Variants in CSMD1 observed in about 807,000 individuals in gnomAD.
CSMD1 encodes CUB and sushi domain-containing protein 1.
In CSMD1, 213 loss-of-function variants were observed where a neutral mutation model predicts 417.5. The observed-to-expected ratio is 0.51, with a 90% CI of 0.46 to 0.57. The LOEUF is 0.57. CSMD1 is among the 20% of genes least tolerant of loss of function. The pLI is 0.00. For synonymous variants in CSMD1, 2,862 were observed against 1,736.8 expected (o/e 1.65, Z -16.11); for missense variants, 6,923 against 4,529.7 (o/e 1.53, Z -15.17).
chr8:3,797,388 T>C (rs1204531628), intron 5 of CSMD1, among the ~76,000 whole-genome samples: 2 of 151,966 alleles, frequency 1.3e-5, no homozygotes, highest in Non-Finnish European at 1.5e-5. Flanking sequence ...GCATAAAACA[T>C]TTTCATCAAT....
intron 3 of CSMD1, among the ~76,000 whole-genome samples, chr8:4,353,869 C>T (rs1801242426): frequency 6.6e-6 from 1 of 152,126 alleles, no homozygotes; most frequent in African/African-American, 2.4e-5. Flanking sequence ...ATCTGGTTTA[C>T]AGCAATAGTG....
intron 12 of CSMD1, among the ~76,000 whole-genome samples, chr8:3,464,899 T>A (rs1362996770): frequency 6.6e-6 from 1 of 152,146 alleles, no homozygotes; most frequent in East Asian, 1.9e-4. Context: ...CCTCAAGAGC[T>A]CTCTTTGTTT....
At position 3,998,043 on chromosome 8, in the gene CSMD1, T is replaced by C; in HGVS notation, c.678A>G (p.Ser226=). The C allele has an allele frequency of 7.5e-6, 12 of 1,601,250 alleles. No homozygotes were observed. The highest frequency in any genetic ancestry group is 1.0e-5 in the Non-Finnish European group (12 of 1,173,354). The change falls in exon 5 of 70, where the codon TCA becomes TCG. Residue 226 remains serine, a synonymous_variant. Coordinates refer to ENST00000635120, the MANE Select transcript of CSMD1 (RefSeq NM_033225.6). The stretch of plus-strand genomic sequence containing the variant: ...TGCAGTCCGCGTTGTTCTCGTACTC[T>C]GAAGGGAAGTGCGGGCTGGAGATGG... ...SSSISSPHFP[S]EYENNADCTW...
At chr8:4,707,064 G>T (rs570494897) in intron 1 of CSMD1, among the ~76,000 whole-genome samples, 1 of 152,188 alleles carries the variant, frequency 6.6e-6, no homozygotes, top group African/African-American at 2.4e-5. Flanking sequence ...TCAGATCTGA[G>T]ATTAGGAAAG....
rs369667923 is a variant in CSMD1 at position 3,110,318 on chromosome 8, C to G, written c.6448G>C (p.Val2150Leu). ...PRCDAPCGYN[V>L]TSQNGTIYSP... ...TAGATGGTGCCGTTCTGAGAAGTTACGTTGTACCCACAAGGGGCTGCAAAG... is the reference window on the plus strand; with the variant it reads ...TAGATGGTGCCGTTCTGAGAAGTTAGGTTGTACCCACAAGGGGCTGCAAAG... Residue 2150 changes from valine to leucine, a missense_variant, in exon 43 of 70, where the codon GTA becomes CTA. Val to Leu is a conservative substitution (Grantham distance 32). Coordinates refer to ENST00000635120, the MANE Select transcript of CSMD1 (RefSeq NM_033225.6). 41 of 1,610,550 alleles carry G rather than the reference C, an allele frequency of 2.5e-5. No homozygotes were observed. Among genetic ancestry groups the G allele is most frequent in the Non-Finnish European group, 3.3e-5 (39 of 1,178,648 alleles).
chr8:4,538,089 T>G (rs1797191527), intron 2 of CSMD1, among the ~76,000 whole-genome samples: 1 of 152,144 alleles, frequency 6.6e-6, no homozygotes, highest in South Asian at 2.1e-4. Flanking sequence ...ATTTTCTTGC[T>G]AGGTATCAAT....
intron 3 of CSMD1, among the ~76,000 whole-genome samples, chr8:4,254,644 G>A (rs980406082): frequency 6.6e-6 from 1 of 152,116 alleles, no homozygotes; most frequent in African/African-American, 2.4e-5. Flanking sequence ...ATTTATCTGT[G>A]GTAACTGCCG....
intron 2 of CSMD1, among the ~76,000 whole-genome samples, chr8:4,445,275 T>A (rs533642140): frequency 1.3e-5 from 2 of 152,180 alleles, no homozygotes; most frequent in Admixed American, 6.5e-5. Flanking sequence ...TCTCTGTCAT[T>A]ACCTATGACA....
intron 1 of CSMD1, among the ~76,000 whole-genome samples, chr8:4,704,147 G>C (rs1323002527): frequency 6.6e-6 from 1 of 152,164 alleles, no homozygotes; most frequent in Non-Finnish European, 1.5e-5. Flanking sequence ...CCGTGATCTA[G>C]CTAAATACTC....
At chr8:3,520,566 T>C (rs1797465767) in intron 10 of CSMD1, among the ~76,000 whole-genome samples, 1 of 152,300 alleles carries the variant, frequency 6.6e-6, no homozygotes, top group Admixed American at 6.5e-5. Flanking sequence ...TAGAAGTGCG[T>C]ACATTTAACC....
chr8:3,606,151 C>T (rs914225000), intron 8 of CSMD1, among the ~76,000 whole-genome samples: 1 of 152,158 alleles, frequency 6.6e-6, no homozygotes, highest in African/African-American at 2.4e-5. Context: ...CCTCGTTCTG[C>T]AGAGAGAAGC....
intron 3 of CSMD1, among the ~76,000 whole-genome samples, chr8:4,325,188 A>T (rs1303717326): frequency 6.6e-6 from 1 of 152,142 alleles, no homozygotes; most frequent in African/African-American, 2.4e-5. Flanking sequence ...AACAAAGGAA[A>T]CTGTCATGAA....
At chr8:4,221,326 C>T (rs1200520646) in intron 3 of CSMD1, among the ~76,000 whole-genome samples, 1 of 151,070 alleles carries the variant, frequency 6.6e-6, no homozygotes, top group Non-Finnish European at 1.5e-5. Context: ...CCACTTCTTG[C>T]TCACAAAATG....
chr8:3,809,017 T>C (rs922594560), intron 5 of CSMD1, among the ~76,000 whole-genome samples: 1 of 152,166 alleles, frequency 6.6e-6, no homozygotes, highest in Non-Finnish European at 1.5e-5. Context: ...GATTCAAGGA[T>C]GCTGGAAGGC....
intron 3 of CSMD1, among the ~76,000 whole-genome samples, chr8:4,168,024 G>T (rs1003182233): frequency 1.3e-5 from 2 of 151,988 alleles, no homozygotes; most frequent in Non-Finnish European, 2.9e-5. Flanking sequence ...AGCTAATCAG[G>T]AAGCTGAGGC....
chr8:3,518,762 G>A (rs1797384073), intron 10 of CSMD1, among the ~76,000 whole-genome samples: 2 of 152,028 alleles, frequency 1.3e-5, no homozygotes, highest in Non-Finnish European at 2.9e-5. Flanking sequence ...TTCATTACAT[G>A]CTCTGTTTGT....
chr8:4,361,748 G>C (rs1003656252), intron 3 of CSMD1, among the ~76,000 whole-genome samples: 1 of 152,136 alleles, frequency 6.6e-6, no homozygotes, highest in African/African-American at 2.4e-5. Context: ...GAGGTCAGGA[G>C]ATCGAGACCA....
chr8:4,817,360 A>T (rs914274482), intron 1 of CSMD1, among the ~76,000 whole-genome samples: 1 of 152,226 alleles, frequency 6.6e-6, no homozygotes, highest in African/African-American at 2.4e-5. Context: ...TAAAACATCT[A>T]TAACAAATTA....
intron 1 of CSMD1, among the ~76,000 whole-genome samples, chr8:4,694,737 A>G (rs934939321): frequency 4.6e-5 from 7 of 151,804 alleles, no homozygotes; most frequent in Admixed American, 6.6e-5. Flanking sequence ...GTGCCCAACC[A>G]CCTTGGGCAC....
Sources: allele counts gnomAD v4.1 joint callset (sites outside exome capture counted in the v4.1 genomes callset), GRCh38; gene constraint gnomAD v4.1.1; transcripts MANE v1.5; gene names NCBI Gene and HGNC (gene_info 2026-07-23, HGNC 2026-07-21).